ELMO1: variants seen among roughly 807,000 people sequenced by gnomAD.
The protein encoded by ELMO1 is engulfment and cell motility 1.
In ELMO1, 26 loss-of-function variants were observed where a neutral mutation model predicts 98.9. The ratio of observed to expected loss-of-function variants is 0.26; its 90% CI spans 0.19 to 0.36. The LOEUF (loss-of-function observed/expected upper bound fraction) is 0.36, where lower values mean the gene tolerates loss of function less well. ELMO1 is among the 10% of genes least tolerant of loss of function. The pLI, the probability that ELMO1 is intolerant of heterozygous loss-of-function variation, is 1.00. For synonymous variants in ELMO1, 346 were observed against 346.0 expected, an observed-to-expected ratio of 1.00 and a Z score of 0.00; for missense variants, 627 against 935.2, an observed-to-expected ratio of 0.67 and a Z score of 4.30.
chr7:37,168,877 G>A (rs554568995), intron 13 of ELMO1, among the ~76,000 whole-genome samples: 127 of 151,978 alleles, frequency 8.4e-4, no homozygotes, highest in African/African-American at 2.9e-3. Flanking sequence ...AAGCTGTCAC[G>A]CAGGGACATT....
At chr7:36,879,368 C>A (rs1318270001) in intron 18 of ELMO1, among the ~76,000 whole-genome samples, 1 of 152,258 alleles carries the variant, frequency 6.6e-6, no homozygotes, top group Non-Finnish European at 1.5e-5. Flanking sequence ...CTTTGCACCA[C>A]TGTGCGGTTG....
At chr7:37,094,817 G>A (rs1784289496) in intron 15 of ELMO1, among the ~76,000 whole-genome samples, 1 of 152,196 alleles carries the variant, frequency 6.6e-6, no homozygotes, top group African/African-American at 2.4e-5. Flanking sequence ...AGAACCTGGA[G>A]GTGTAGGAGC....
intron 16 of ELMO1, among the ~76,000 whole-genome samples, chr7:36,941,955 A>G (rs1043934324): frequency 5.3e-5 from 8 of 152,036 alleles, no homozygotes; most frequent in African/African-American, 1.9e-4. Flanking sequence ...CTTTCTGCTT[A>G]CTCCACCCCA....
chr7:37,289,742 G>A (rs1583466122), intron 4 of ELMO1, among the ~76,000 whole-genome samples: 3 of 151,044 alleles, frequency 2.0e-5, no homozygotes, highest in South Asian at 4.2e-4. Flanking sequence ...CATTGCATTC[G>A]AGATTTTTTT....
intron 7 of ELMO1, among the ~76,000 whole-genome samples, chr7:37,242,265 T>C (rs548996214): frequency 3.0e-4 from 46 of 152,344 alleles, no homozygotes; most frequent in Non-Finnish European, 5.7e-4. Context: ...TTTCACTTTA[T>C]TGTGCTTTTC....
chr7:37,041,179 ACT>A (rs1795486687), intron 15 of ELMO1, among the ~76,000 whole-genome samples: 1 of 152,076 alleles, frequency 6.6e-6, no homozygotes, highest in South Asian at 2.1e-4. Flanking sequence ...TAATGTCAAT[ACT>A]CTCTATAGGA....
Position 36,895,000 on chromosome 7 carries a change from C to T in ELMO1, c.1455G>A (p.Lys485=), listed in dbSNP as rs1805880221. 1 of 1,613,614 alleles carries T rather than the reference C, an allele frequency of 6.2e-7. No individual in the cohort carries two copies. The highest frequency in any genetic ancestry group is 1.3e-5 in the African/African-American group (1 of 74,914). Residue 485 remains lysine, a synonymous_variant, in exon 17 of 22, where the codon AAG becomes AAA. Coordinates refer to ENST00000310758, the MANE Select transcript of ELMO1 (RefSeq NM_014800.11). ...TTGTAAGTGCTCTCATAACCTGCTC[C>T]TTCACCACCTGCATTACCTGAAGAT... ...EDFNKVMQVV[K]EQVMRALTTK...
chr7:36,965,839 T>C (rs936176164), intron 16 of ELMO1, among the ~76,000 whole-genome samples: 1 of 152,202 alleles, frequency 6.6e-6, no homozygotes, highest in Non-Finnish European at 1.5e-5. Flanking sequence ...GCCTGTATGA[T>C]GTCATCTTAA....
intron 2 of ELMO1, among the ~76,000 whole-genome samples, chr7:37,337,377 G>T (rs1800471810): frequency 6.6e-6 from 1 of 152,120 alleles, no homozygotes; most frequent in African/African-American, 2.4e-5. Context: ...GGCCTCTTGT[G>T]GGGTAAGGGA....
intron 16 of ELMO1, among the ~76,000 whole-genome samples, chr7:36,932,714 C>A (rs1406502299): frequency 6.6e-6 from 1 of 152,210 alleles, no homozygotes; most frequent in African/African-American, 2.4e-5. Context: ...TCTCTCTGTG[C>A]CTCTAATATC....
At chr7:36,994,424 G>A (rs570871067) in intron 16 of ELMO1, among the ~76,000 whole-genome samples, 47 of 152,300 alleles carry the variant, frequency 3.1e-4, no homozygotes, top group Admixed American at 7.2e-4. Flanking sequence ...ACAACACCAG[G>A]AATACCATCT....
At chr7:37,316,275 A>G (rs1799151558) in intron 2 of ELMO1, among the ~76,000 whole-genome samples, 1 of 152,256 alleles carries the variant, frequency 6.6e-6, no homozygotes, top group African/African-American at 2.4e-5. Flanking sequence ...AAGATCTCAC[A>G]GAAAATGGAA....
chr7:37,018,106 T>C (rs1161579387), intron 15 of ELMO1, among the ~76,000 whole-genome samples: 1 of 151,898 alleles, frequency 6.6e-6, no homozygotes, highest in Non-Finnish European at 1.5e-5. Context: ...ATAGAATTAG[T>C]AAACAGTGGC....
chr7:37,205,070 A>G (rs538728366), intron 13 of ELMO1, among the ~76,000 whole-genome samples: 2 of 152,332 alleles, frequency 1.3e-5, no homozygotes, highest in South Asian at 4.1e-4. Context: ...CCAACCCAGA[A>G]GCCCAGCCGG....
intron 13 of ELMO1, among the ~76,000 whole-genome samples, chr7:37,162,537 C>G (rs559010689): frequency 6.6e-6 from 1 of 152,290 alleles, no homozygotes; most frequent in African/African-American, 2.4e-5. Flanking sequence ...GAACTACCAC[C>G]AGGAGCACTT....
chr7:36,857,545 C>T (rs1802298453), intron 21 of ELMO1, among the ~76,000 whole-genome samples: 1 of 152,168 alleles, frequency 6.6e-6, no homozygotes, highest in Non-Finnish European at 1.5e-5. Flanking sequence ...GTTTAACCCA[C>T]AGGAACACTT....
At chr7:36,972,841 C>T (rs1790092441) in intron 16 of ELMO1, among the ~76,000 whole-genome samples, 1 of 152,128 alleles carries the variant, frequency 6.6e-6, no homozygotes, top group South Asian at 2.1e-4. Context: ...AGTACAATGG[C>T]GCGATCTCGG....
chr7:37,323,719 G>A (rs1204998438), intron 2 of ELMO1, among the ~76,000 whole-genome samples: 1 of 152,036 alleles, frequency 6.6e-6, no homozygotes, highest in Admixed American at 6.6e-5. Context: ...AGTGAGTATT[G>A]GTCTTTTGCT....
intron 14 of ELMO1, among the ~76,000 whole-genome samples, chr7:37,106,494 G>A (rs375786189): frequency 1.0e-3 from 158 of 152,248 alleles, no homozygotes; most frequent in African/African-American, 3.6e-3. Context: ...CACCAAGCCC[G>A]CTGATGCCTT....
Sources: allele counts gnomAD v4.1 joint callset (sites outside exome capture counted in the v4.1 genomes callset), GRCh38; gene constraint gnomAD v4.1.1; transcripts MANE v1.5; gene names NCBI Gene and HGNC (gene_info 2026-07-23, HGNC 2026-07-21).